USP8: variants seen among roughly 807,000 people sequenced by gnomAD.
The protein encoded by USP8 is ubiquitin specific peptidase 8.
In USP8, 27 loss-of-function variants were observed where a neutral mutation model predicts 130.0. That is an observed-to-expected ratio of 0.21 (90% CI 0.15 to 0.29). The LOEUF is 0.29. Ranked by LOEUF, USP8 falls within the 10% of genes least tolerant of loss-of-function variation. The pLI, the probability that USP8 is intolerant of heterozygous loss-of-function variation, is 1.00. For missense variants in USP8, 1,029 were observed against 1,312.2 expected, an observed-to-expected ratio of 0.78 and a Z score of 3.33; for synonymous variants, 392 against 444.1, an observed-to-expected ratio of 0.88 and a Z score of 1.48.
intron 1 of USP8, among the ~76,000 whole-genome samples, chr15:50,431,730 C>T (rs2049937656): frequency 6.6e-6 from 1 of 152,186 alleles, no homozygotes; most frequent in South Asian, 2.1e-4. Flanking sequence ...GATCTTGGCT[C>T]ACTGCAACCT....
chr15:50,483,109 A>G (rs1400611604), intron 11 of USP8, among the ~76,000 whole-genome samples: 2 of 152,236 alleles, frequency 1.3e-5, no homozygotes, highest in Non-Finnish European at 2.9e-5. Context: ...AGTAGCTACT[A>G]TATGCCAAGT....
At chr15:50,430,977 C>T (rs937965384) in intron 1 of USP8, among the ~76,000 whole-genome samples, 6 of 152,160 alleles carry the variant, frequency 3.9e-5, no homozygotes, top group African/African-American at 1.4e-4. Context: ...AGGGATGCTG[C>T]TAAACATCCT....
At chr15:50,446,040 T>A (rs1004910913) in intron 3 of USP8, among the ~76,000 whole-genome samples, 3 of 152,204 alleles carry the variant, frequency 2.0e-5, no homozygotes, top group Non-Finnish European at 4.4e-5. Context: ...GAATTCTAGA[T>A]AAAATTAGAA....
chr15:50,443,680 C>A (rs2050331080), intron 3 of USP8, among the ~76,000 whole-genome samples: 1 of 151,932 alleles, frequency 6.6e-6, no homozygotes, highest in South Asian at 2.1e-4. Flanking sequence ...GATGGGCTTT[C>A]ACCATATTGG....
chr15:50,473,294 G>T (rs1370660620), intron 8 of USP8, among the ~76,000 whole-genome samples: 2 of 152,056 alleles, frequency 1.3e-5, no homozygotes, highest in African/African-American at 4.8e-5. Flanking sequence ...TATAGTATTT[G>T]CATATAAACT....
At chr15:50,474,386 T>G (rs533895156) in intron 8 of USP8, among the ~76,000 whole-genome samples, 26 of 152,192 alleles carry the variant, frequency 1.7e-4, no homozygotes, top group African/African-American at 6.3e-4. Flanking sequence ...GGTAGGAGGG[T>G]CAGCTGATTG....
At chr15:50,441,822 G>T (rs1488971515) in intron 3 of USP8, among the ~76,000 whole-genome samples, 2 of 150,742 alleles carry the variant, frequency 1.3e-5, no homozygotes, top group African/African-American at 2.4e-5. Context: ...ACATGACTGT[G>T]TTTTTTTTTA....
At chr15:50,448,249 T>C (rs1266480066) in intron 3 of USP8, among the ~76,000 whole-genome samples, 1 of 152,204 alleles carries the variant, frequency 6.6e-6, no homozygotes, top group African/African-American at 2.4e-5. Context: ...TAATTTGTAA[T>C]GAACTGTGCT....
intron 2 of USP8, among the ~76,000 whole-genome samples, chr15:50,441,126 C>T (rs1269970989): frequency 6.6e-6 from 1 of 151,928 alleles, no homozygotes; most frequent in South Asian, 2.1e-4. Flanking sequence ...GGTGGTAATG[C>T]GAGCAATGGG....
chr15:50,511,150 G>A lies in USP8; in HGVS notation c.*12062G>A, dbSNP rs891418378. On this transcript the variant is annotated 3_prime_UTR_variant, in exon 20 of 20. Transcript: ENST00000307179. ...TTTGCAAAGTTTTATTTTAAAAACT[G>A]GAGAGAGAGCACTTGAAAAGATGCT... 6.6e-6 allele frequency: 1 copy of A among 152,134 alleles called. No individual in the cohort carries two copies. The highest frequency in any genetic ancestry group is 1.5e-5 in the Non-Finnish European group (1 of 68,044). The allele number at this position is 152,134 out of a possible 1,614,324, so 9.4% of individuals were successfully genotyped here. A position where few individuals can be genotyped will look rare whatever the true frequency, so the allele number is the denominator to read the frequency against.
intron 14 of USP8, among the ~76,000 whole-genome samples, chr15:50,490,776 A>C (rs139790337): frequency 1.1e-4 from 16 of 152,272 alleles, no homozygotes; most frequent in African/African-American, 3.8e-4. Flanking sequence ...AATCATTGTT[A>C]TGTTTTACAG....
chr15:50,450,367 A>C (rs532548721), intron 4 of USP8, among the ~76,000 whole-genome samples: 28 of 152,032 alleles, frequency 1.8e-4, no homozygotes, highest in Admixed American at 1.4e-3. Flanking sequence ...GGAAAAAAAA[A>C]CTGATTCTGG....
At chr15:50,451,046 G>A (rs2050615107) in intron 4 of USP8, among the ~76,000 whole-genome samples, 1 of 152,118 alleles carries the variant, frequency 6.6e-6, no homozygotes, top group African/African-American at 2.4e-5. Flanking sequence ...GATTTAACCA[G>A]GGTGACATAT....
intron 3 of USP8, among the ~76,000 whole-genome samples, chr15:50,446,984 A>AT (rs1462508788): frequency 5.9e-5 from 9 of 152,310 alleles, no homozygotes; most frequent in African/African-American, 1.9e-4. Context: ...GGACACAAAA[A>AT]TTAAATCTTT....
At chr15:50,490,237 G>GTTTTTTTT in intron 13 of USP8, 26 bp from the exon 14 acceptor site, 1 of 1,229,254 alleles carries the variant, frequency 8.1e-7, no homozygotes. Flanking sequence ...TTTTTGACCT[G>GTTTTTTTT]TTTTTTTTTT....
In USP8 at chr15:50,508,039, T is replaced by C. The variant is rs1009828351; in HGVS notation, c.*8951T>C. The C allele has an allele frequency of 1.1e-4, 14 of 129,450 alleles. No homozygotes were observed. The highest frequency in any genetic ancestry group is 3.9e-4 in the African/African-American group (13 of 33,108). The allele number at this position is 129,450 out of a possible 1,614,324, so 8.0% of individuals were successfully genotyped here. ...GAGCCGAGATGGTGCCAGTGCACTC[T>C]AGCCCGGGCGACAGTGCAAGACTCT... On this transcript the variant is annotated 3_prime_UTR_variant, in exon 20 of 20. Transcript: ENST00000307179.
chr15:50,448,543 A>C (rs2141265012), intron 3 of USP8, among the ~76,000 whole-genome samples: 1 of 150,382 alleles, frequency 6.6e-6, no homozygotes, highest in East Asian at 1.9e-4. Flanking sequence ...TTTTTAAGAC[A>C]GAGTTTCGTT....
In USP8 at chr15:50,512,071, G is replaced by C. The variant is rs2052745478; in HGVS notation, c.*12983G>C. The C allele has an allele frequency of 6.6e-6, 1 of 152,158 alleles. No individual in the cohort carries two copies. The highest frequency in any genetic ancestry group is 2.4e-5 in the African/African-American group (1 of 41,420). 9.4% of individuals were successfully genotyped at this position (152,158 alleles called of 1,614,324 possible). A position where few individuals can be genotyped will look rare whatever the true frequency, so the allele number is the denominator to read the frequency against. ...TAGAAATATATAAAGTAGAGGCCAG[G>C]AGAAGTGGTTCATGCCTGTAATCCG... On this transcript the variant is annotated 3_prime_UTR_variant, in exon 20 of 20. Coordinates refer to ENST00000307179, the MANE Select transcript of USP8 (RefSeq NM_005154.5).
chr15:50,461,726 G>A (rs889383084), intron 5 of USP8, among the ~76,000 whole-genome samples: 3 of 151,856 alleles, frequency 2.0e-5, no homozygotes, highest in South Asian at 2.1e-4. Flanking sequence ...GGTAGCACAC[G>A]CCTGTAATCC....
Sources: allele counts gnomAD v4.1 joint callset (sites outside exome capture counted in the v4.1 genomes callset), GRCh38; gene constraint gnomAD v4.1.1; transcripts MANE v1.5; gene names NCBI Gene and HGNC (gene_info 2026-07-23, HGNC 2026-07-21).